ZRANB3: variants seen among roughly 807,000 people sequenced by gnomAD.
ZRANB3 encodes the protein DNA annealing helicase and endonuclease ZRANB3.
ZRANB3 carries 125 observed loss-of-function variants against 133.8 expected under a neutral mutation model. That is an observed-to-expected ratio of 0.93 (90% CI 0.81 to 1.08). The LOEUF (loss-of-function observed/expected upper bound fraction) is 1.08. ZRANB3 is among the 50% of genes least tolerant of loss of function. The probability of loss-of-function intolerance (pLI) is 0.00; values close to 1 mark genes in which losing one functional copy is unlikely to be tolerated. For missense variants in ZRANB3, 1,229 were observed against 1,275.5 expected, an observed-to-expected ratio of 0.96 and a Z score of 0.56; for synonymous variants, 387 against 432.7, an observed-to-expected ratio of 0.89 and a Z score of 1.31.
intron 2 of ZRANB3, among the ~76,000 whole-genome samples, chr2:135,425,436 C>G (rs1689023606): frequency 6.6e-6 from 1 of 152,042 alleles, no homozygotes; most frequent in Non-Finnish European, 1.5e-5. Context: ...CAAAGTTAAG[C>G]AAGTGAATAA....
chr2:135,310,578 G>A (rs1682923702), intron 8 of ZRANB3, among the ~76,000 whole-genome samples: 1 of 152,052 alleles, frequency 6.6e-6, no homozygotes, highest in Non-Finnish European at 1.5e-5. Flanking sequence ...TATGGGATAT[G>A]TTCTCAGAAA....
intron 2 of ZRANB3, among the ~76,000 whole-genome samples, chr2:135,449,544 C>T (rs1574121456): frequency 2.6e-5 from 4 of 152,164 alleles, no homozygotes; most frequent in Admixed American, 6.5e-5. Flanking sequence ...CACTTGAATC[C>T]GGAAGGCAGA....
At chr2:135,295,230 C>T (rs1033715818) in intron 8 of ZRANB3, among the ~76,000 whole-genome samples, 2 of 152,170 alleles carry the variant, frequency 1.3e-5, no homozygotes, top group African/African-American at 4.8e-5. Flanking sequence ...TTGTAGGTCA[C>T]TAAGGACTTG....
At chr2:135,400,421 C>G (rs963411860) in intron 2 of ZRANB3, among the ~76,000 whole-genome samples, 19 of 151,954 alleles carry the variant, frequency 1.3e-4, no homozygotes, top group African/African-American at 4.6e-4. Context: ...TCTCGGTTCA[C>G]TGCAACCTCC....
intron 12 of ZRANB3, among the ~76,000 whole-genome samples, chr2:135,244,932 T>C (rs752204506): frequency 2.0e-4 from 30 of 152,180 alleles, no homozygotes; most frequent in Non-Finnish European, 3.5e-4. Flanking sequence ...GTAATCAGCA[T>C]AGGTGATGTT....
intron 12 of ZRANB3, among the ~76,000 whole-genome samples, chr2:135,245,452 T>G (rs1573749638): frequency 6.6e-6 from 1 of 152,176 alleles, no homozygotes; most frequent in South Asian, 2.1e-4. Context: ...CTGAAAATGA[T>G]TTTTTGTTTT....
At chr2:135,300,275 C>T (rs144558506) in intron 8 of ZRANB3, among the ~76,000 whole-genome samples, 4 of 152,130 alleles carry the variant, frequency 2.6e-5, no homozygotes, top group African/African-American at 9.6e-5. Flanking sequence ...CTTAAAATAG[C>T]ATATCCTATA....
At chr2:135,404,180 T>C (rs1297495174) in intron 2 of ZRANB3, among the ~76,000 whole-genome samples, 3 of 152,034 alleles carry the variant, frequency 2.0e-5, no homozygotes, top group East Asian at 1.9e-4. Context: ...TTCAAACCCA[T>C]GGCAAATAAG....
rs559209703 is a variant in ZRANB3 at position 135,515,008 on chromosome 2, C to G, written c.-7-10512G>C. ...AGCTGACTTGATCTTGGTGGATAAG[C>G]TTTGTGATGTGCTGCTGGATTCAGT... On this transcript the variant is annotated intron_variant, in intron 1 of 20. Coordinates refer to ENST00000264159, the MANE Select transcript of ZRANB3 (RefSeq NM_032143.4). Among the ~76,000 whole-genome samples, 3 of 152,084 alleles carry G rather than the reference C, an allele frequency of 2.0e-5. No homozygotes were observed. In the South Asian group the frequency reaches 6.3e-4, roughly 32 times the overall value.
chr2:135,385,194 A>G (rs1186974180), intron 3 of ZRANB3, among the ~76,000 whole-genome samples: 1 of 152,184 alleles, frequency 6.6e-6, no homozygotes, highest in Non-Finnish European at 1.5e-5. Context: ...TTATACACCA[A>G]TAACAGACAA....
chr2:135,328,337 T>C (rs1683946880), intron 6 of ZRANB3, among the ~76,000 whole-genome samples: 7 of 151,924 alleles, frequency 4.6e-5, no homozygotes, highest in Admixed American at 3.3e-4. Context: ...GTCCTTGTGA[T>C]AGTTTGAGAA....
intron 3 of ZRANB3, among the ~76,000 whole-genome samples, chr2:135,366,996 G>A (rs1685969363): frequency 6.6e-6 from 1 of 152,088 alleles, no homozygotes; most frequent in Non-Finnish European, 1.5e-5. Flanking sequence ...ACTCCAGCCT[G>A]GGCGACAGAG....
chr2:135,289,735 T>A (rs1306682187), intron 8 of ZRANB3, among the ~76,000 whole-genome samples: 2 of 152,082 alleles, frequency 1.3e-5, no homozygotes, highest in Non-Finnish European at 2.9e-5. Context: ...AGACCCCATC[T>A]CTACTAAAAA....
At chr2:135,300,370 T>C (rs72982341) in intron 8 of ZRANB3, among the ~76,000 whole-genome samples, 1 of 152,120 alleles carries the variant, frequency 6.6e-6, no homozygotes, top group African/African-American at 2.4e-5. Flanking sequence ...ATGAAGATTT[T>C]AAAAAAACCA....
At chr2:135,323,656 G>A (rs1461177235) in intron 6 of ZRANB3, among the ~76,000 whole-genome samples, 1 of 152,004 alleles carries the variant, frequency 6.6e-6, no homozygotes, top group African/African-American at 2.4e-5. Flanking sequence ...GATCAATAAG[G>A]ATTATAAATA....
chr2:135,353,666 T>C, intron 3 of ZRANB3, 38 bp from the exon 4 acceptor site: 2 of 1,238,918 alleles, frequency 1.6e-6, no homozygotes, highest in Non-Finnish European at 2.1e-6. Flanking sequence ...TAATAGAGCC[T>C]AAAATATTTT....
At chr2:135,265,180 C>T (rs1680168805) in intron 12 of ZRANB3, among the ~76,000 whole-genome samples, 1 of 152,152 alleles carries the variant, frequency 6.6e-6, no homozygotes, top group Non-Finnish European at 1.5e-5. Flanking sequence ...TTTTGTATAA[C>T]AAAACCTGTG....
chr2:135,359,420 T>C (rs918504566), intron 3 of ZRANB3, among the ~76,000 whole-genome samples: 7 of 151,636 alleles, frequency 4.6e-5, no homozygotes, highest in East Asian at 1.9e-4. Context: ...TCTGTCTCTA[T>C]AGAAAAATTT....
chr2:135,454,642 T>C (rs1185201791), intron 2 of ZRANB3, among the ~76,000 whole-genome samples: 1 of 152,180 alleles, frequency 6.6e-6, no homozygotes, highest in Non-Finnish European at 1.5e-5. Context: ...CTGTATGCCT[T>C]TGCATACCCA....
Sources: gnomAD v4.1 joint callset for allele counts (sites outside exome capture counted in the v4.1 genomes callset) on GRCh38, gnomAD v4.1.1 for gene constraint, MANE v1.5 for transcripts, NCBI Gene and HGNC (gene_info 2026-07-23, HGNC 2026-07-21) for gene names.